The following GREB1 variants were observed in gnomAD, a reference collection of about 807,000 sequenced individuals.
The protein encoded by GREB1 is growth regulating estrogen receptor binding 1, also known as protein GREB1.
GREB1 carries 106 observed loss-of-function variants against 200.7 expected under a neutral mutation model. The ratio of observed to expected loss-of-function variants is 0.53; its 90% CI spans 0.45 to 0.62. The LOEUF (loss-of-function observed/expected upper bound fraction) is 0.62. GREB1 is among the 20% of genes least tolerant of loss of function. GREB1 has a pLI of 0.00. For synonymous variants in GREB1, 1,132 were observed against 1,092.4 expected (o/e 1.04, Z -0.72); for missense variants, 2,243 against 2,556.8 (o/e 0.88, Z 2.65).
At chr2:11,604,515 A>G (rs1682076810) in intron 17 of GREB1, among the ~76,000 whole-genome samples, 1 of 152,178 alleles carries the variant, frequency 6.6e-6, no homozygotes, top group Non-Finnish European at 1.5e-5. Flanking sequence ...CTAAACTAGA[A>G]GTGTTGCAGA....
intron 1 of GREB1, among the ~76,000 whole-genome samples, chr2:11,547,792 G>A (rs1675426641): frequency 1.3e-5 from 2 of 151,672 alleles, no homozygotes; most frequent in East Asian, 1.9e-4. Context: ...ATAACAACTG[G>A]TGTTGCAATT....
At chr2:11,500,781 T>A (rs1208330630) in intron 1 of GREB1, among the ~76,000 whole-genome samples, 1 of 152,152 alleles carries the variant, frequency 6.6e-6, no homozygotes, top group Non-Finnish European at 1.5e-5. Context: ...AAGCAAATAA[T>A]GGGGACTTTA....
At chr2:11,509,163 C>A (rs10192123) in intron 1 of GREB1, among the ~76,000 whole-genome samples, 1 of 152,070 alleles carries the variant, frequency 6.6e-6, no homozygotes, top group South Asian at 2.1e-4. Context: ...TATGAGCCAC[C>A]GCGCCCGGCC....
chr2:11,528,126 C>G (rs1240681966), intron 1 of GREB1, among the ~76,000 whole-genome samples: 2 of 152,194 alleles, frequency 1.3e-5, no homozygotes, highest in African/African-American at 4.8e-5. Flanking sequence ...CTTCCTGGTC[C>G]TAGCTGTTCA....
intron 25 of GREB1, among the ~76,000 whole-genome samples, chr2:11,628,335 G>A (rs1684626274): frequency 6.6e-6 from 1 of 152,250 alleles, no homozygotes; most frequent in South Asian, 2.1e-4. Flanking sequence ...CTAGTCAGAT[G>A]CCTGGCTGGG....
intron 9 of GREB1, among the ~76,000 whole-genome samples, chr2:11,586,574 C>T (rs972044910): frequency 6.6e-6 from 1 of 152,192 alleles, no homozygotes; most frequent in African/African-American, 2.4e-5. Flanking sequence ...ATGGCTGGCA[C>T]ATGGCAACAC....
At chr2:11,623,610 G>A (rs1220423655) in intron 23 of GREB1, among the ~76,000 whole-genome samples, 2 of 152,234 alleles carry the variant, frequency 1.3e-5, no homozygotes, top group Non-Finnish European at 2.9e-5. Context: ...TAAAAGTAGG[G>A]CCAGGCGTGG....
chr2:11,528,425 T>C (rs746819100), intron 1 of GREB1, among the ~76,000 whole-genome samples: 1 of 152,244 alleles, frequency 6.6e-6, no homozygotes, highest in Non-Finnish European at 1.5e-5. Context: ...AACAGTTTCT[T>C]ATTATGAGTC....
At chr2:11,503,675 G>A (rs1673106592) in intron 1 of GREB1, among the ~76,000 whole-genome samples, 1 of 152,176 alleles carries the variant, frequency 6.6e-6, no homozygotes, top group Admixed American at 6.5e-5. Context: ...ACCAAATATT[G>A]TTGGGCTTCT....
chr2:11,599,653 T>TG (rs1288418456), intron 15 of GREB1, among the ~76,000 whole-genome samples: 19 of 152,042 alleles, frequency 1.2e-4, no homozygotes, highest in Non-Finnish European at 2.4e-4. Context: ...CCTGAGTAGC[T>TG]GGGACTACAG....
At chr2:11,524,294 G>GAGACAGGTTGTAATGCT in intron 1 of GREB1, among the ~76,000 whole-genome samples, 2 of 152,314 alleles carry the variant, frequency 1.3e-5, no homozygotes, top group South Asian at 4.1e-4. Context: ...CCAGGCCCAG[G>GAGACAGGTTGTAATGCT]AGACAGGTTG....
Position 11,542,374 on chromosome 2 carries a change from G to C in GREB1, c.-162+8120G>C, listed in dbSNP as rs572334408. On this transcript the variant is annotated intron_variant, in intron 1 of 32. Coordinates refer to ENST00000381486, the MANE Select transcript of GREB1 (RefSeq NM_014668.4). ...GCTCTTGGAGCTTGGGGTGGCCTGG[G>C]TGGTGGTCGAGTAGGATCTGCAGCG... 2.6e-5 allele frequency among the ~76,000 whole-genome samples: 4 copies of C among 152,296 alleles called. No homozygotes were observed. The South Asian group carries it at 8.3e-4, about 32-fold the overall frequency.
At chr2:11,527,934 G>A (rs1048748903) in intron 1 of GREB1, among the ~76,000 whole-genome samples, 1 of 152,186 alleles carries the variant, frequency 6.6e-6, no homozygotes, top group African/African-American at 2.4e-5. Context: ...ATATCCCTAA[G>A]TCCCTTAATT....
chr2:11,483,108 G>A (rs2148386435), intron 1 of GREB1, among the ~76,000 whole-genome samples: 1 of 152,164 alleles, frequency 6.6e-6, no homozygotes, highest in African/African-American at 2.4e-5. Context: ...CGGGAAGGAG[G>A]TGGAAGGTGT....
intron 1 of GREB1, among the ~76,000 whole-genome samples, chr2:11,506,571 C>T (rs1558488817): frequency 6.6e-6 from 1 of 152,124 alleles, no homozygotes; most frequent in South Asian, 2.1e-4. Context: ...AGACCATCTG[C>T]CTTTGGAGTT....
intron 15 of GREB1, among the ~76,000 whole-genome samples, chr2:11,599,161 C>T (rs772623826): frequency 1.3e-5 from 2 of 152,020 alleles, no homozygotes; most frequent in Non-Finnish European, 2.9e-5. Context: ...GCTGAGACCC[C>T]GAATCACAGC....
intron 4 of GREB1, among the ~76,000 whole-genome samples, chr2:11,574,383 T>C (rs1004939287): frequency 3.3e-5 from 5 of 152,042 alleles, no homozygotes; most frequent in African/African-American, 1.2e-4. Context: ...CAGCCAGCCT[T>C]TGGGTCACAG....
chr2:11,609,709 G>T (rs551984586), intron 17 of GREB1, among the ~76,000 whole-genome samples: 1 of 152,328 alleles, frequency 6.6e-6, no homozygotes, highest in East Asian at 1.9e-4. Flanking sequence ...TGAAGAAAAG[G>T]AGGAGGATGG....
intron 1 of GREB1, among the ~76,000 whole-genome samples, chr2:11,520,000 T>C (rs1227277369): frequency 6.6e-6 from 1 of 152,024 alleles, no homozygotes. Context: ...TAGCCAGGCA[T>C]GGTGCCTTGG....
Sources: gnomAD v4.1 joint callset for allele counts (sites outside exome capture counted in the v4.1 genomes callset) on GRCh38, gnomAD v4.1.1 for gene constraint, MANE v1.5 for transcripts, NCBI Gene and HGNC (gene_info 2026-07-23, HGNC 2026-07-21) for gene names.